Variants in DCC observed in about 807,000 individuals in gnomAD.
The protein encoded by DCC is DCC netrin 1 receptor, also known as netrin receptor DCC.
DCC carries 58 observed loss-of-function variants against 172.5 expected under a neutral mutation model. The observed-to-expected ratio is 0.34, with a 90% CI of 0.27 to 0.42. The LOEUF (loss-of-function observed/expected upper bound fraction) is 0.42. Among genes scored for constraint, DCC ranks in the 10% least tolerant of loss-of-function variants. The probability of loss-of-function intolerance (pLI) is 1.00; values close to 1 mark genes in which losing one functional copy is unlikely to be tolerated. For missense variants in DCC, 1,740 were observed against 1,791.0 expected, an observed-to-expected ratio of 0.97 and a Z score of 0.51; for synonymous variants, 709 against 644.5, an observed-to-expected ratio of 1.10 and a Z score of -1.52.
At chr18:52,523,607 T>C (rs1020306118) in intron 1 of DCC, among the ~76,000 whole-genome samples, 1 of 152,206 alleles carries the variant, frequency 6.6e-6, no homozygotes, top group Non-Finnish European at 1.5e-5. Context: ...GCATTAACTC[T>C]ACATTGTGAA....
At chr18:52,778,508 C>T (rs1360059162) in intron 2 of DCC, among the ~76,000 whole-genome samples, 3 of 152,086 alleles carry the variant, frequency 2.0e-5, no homozygotes, top group Non-Finnish European at 4.4e-5. Context: ...CATTCTAAAT[C>T]CAAACAATTT....
chr18:53,176,410 A>C (rs1311618256), intron 8 of DCC, among the ~76,000 whole-genome samples: 9 of 146,610 alleles, frequency 6.1e-5, no homozygotes, highest in Non-Finnish European at 1.3e-4. Flanking sequence ...AATGGGAGAA[A>C]ATTTTCACAA....
intron 14 of DCC, among the ~76,000 whole-genome samples, chr18:53,335,498 G>A (rs150500878): frequency 1.3e-5 from 2 of 152,102 alleles, no homozygotes; most frequent in African/African-American, 4.8e-5. Context: ...GTGGAAACCT[G>A]TGTAACATGT....
At chr18:53,309,836 T>A (rs773242671) in intron 13 of DCC, among the ~76,000 whole-genome samples, 1 of 151,628 alleles carries the variant, frequency 6.6e-6, no homozygotes, top group Non-Finnish European at 1.5e-5. Flanking sequence ...TCATGAGTTA[T>A]AATAAAGCAT....
chr18:53,459,270 G>C lies in DCC; in HGVS notation c.3431G>C (p.Ser1144Thr), dbSNP rs537282209. Residue 1144 changes from serine (S) to threonine (T), a missense_variant, in exon 24 of 29, where the codon AGC (serine) becomes ACC (threonine). Physicochemically the swap from Ser to Thr is moderately conservative, Grantham distance 58. Coordinates refer to ENST00000442544, the MANE Select transcript of DCC (RefSeq NM_005215.4). ...CACAGTGCTGGCAAAAGGAAGGGCA[G>C]CCAGAAGGACCTCCGACCCCCTGAT... Reference protein sequence around the residue: ...ATHSAGKRKGSQKDLRPPDLW... With the variant: ...ATHSAGKRKGTQKDLRPPDLW... 1.9e-6 allele frequency: 3 copies of C among 1,614,146 alleles called. No homozygotes were observed. In the African/African-American group the frequency reaches 4.0e-5, roughly 22 times the overall value.
At chr18:53,401,485 T>A (rs1257578800) in intron 18 of DCC, among the ~76,000 whole-genome samples, 1 of 152,206 alleles carries the variant, frequency 6.6e-6, no homozygotes, top group East Asian at 1.9e-4. Flanking sequence ...TCTCCTCTAT[T>A]TGGCTCATAT....
chr18:52,800,609 G>C (rs2037967292), intron 2 of DCC, among the ~76,000 whole-genome samples: 1 of 152,138 alleles, frequency 6.6e-6, no homozygotes, highest in South Asian at 2.1e-4. Context: ...AATAATCTTT[G>C]TGTGATAGCA....
intron 17 of DCC, 102 bp downstream of exon 17, chr18:53,391,989 T>G: frequency 1.4e-6 from 1 of 722,578 alleles, no homozygotes. Flanking sequence ...TTTGCTGCTG[T>G]GTATCTATGT....
At chr18:52,728,455 C>A (rs947935976) in intron 1 of DCC, among the ~76,000 whole-genome samples, 2 of 152,092 alleles carry the variant, frequency 1.3e-5, no homozygotes, top group African/African-American at 2.4e-5. Flanking sequence ...TTTCTTCTCC[C>A]AAGATTGTTA....
chr18:52,727,531 C>T (rs1474122280), intron 1 of DCC, among the ~76,000 whole-genome samples: 2 of 152,268 alleles, frequency 1.3e-5, no homozygotes, highest in East Asian at 3.9e-4. Flanking sequence ...GTAATATCAC[C>T]TTATCCTGCA....
intron 5 of DCC, among the ~76,000 whole-genome samples, chr18:53,049,361 A>G (rs2042302893): frequency 6.6e-6 from 1 of 152,040 alleles, no homozygotes; most frequent in African/African-American, 2.4e-5. Flanking sequence ...TGATTTTTGT[A>G]TATAGCTTCA....
intron 24 of DCC, among the ~76,000 whole-genome samples, chr18:53,462,172 C>G (rs539709870): frequency 6.6e-6 from 1 of 152,116 alleles, no homozygotes; most frequent in African/African-American, 2.4e-5. Flanking sequence ...AGAAGTATGA[C>G]TTATTTATGG....
chr18:53,239,196 TAATAAAAATA>T (rs1238011662), intron 12 of DCC, among the ~76,000 whole-genome samples: 2 of 121,240 alleles, frequency 1.6e-5, no homozygotes, highest in African/African-American at 6.4e-5. Context: ...AATATAATAA[TAATAAAAATA>T]AATAAATAAA....
intron 12 of DCC, among the ~76,000 whole-genome samples, chr18:53,250,593 A>G (rs1373405844): frequency 2.6e-4 from 39 of 150,812 alleles, no homozygotes; most frequent in Non-Finnish European, 2.1e-4. Context: ...TGGAAGATAC[A>G]TCCTTCCTAG....
At chr18:53,240,432 G>A (rs1365725548) in intron 12 of DCC, among the ~76,000 whole-genome samples, 4 of 152,060 alleles carry the variant, frequency 2.6e-5, no homozygotes, top group African/African-American at 9.7e-5. Flanking sequence ...AAAAGCAGAG[G>A]AATAAAAGCT....
At chr18:52,514,464 C>G (rs1414935150) in intron 1 of DCC, among the ~76,000 whole-genome samples, 1 of 152,054 alleles carries the variant, frequency 6.6e-6, no homozygotes, top group African/African-American at 2.4e-5. Flanking sequence ...CTCAAACAAC[C>G]AAAAAATGTC....
intron 1 of DCC, among the ~76,000 whole-genome samples, chr18:52,525,116 GA>G (rs1275654588): frequency 6.6e-6 from 1 of 151,542 alleles, no homozygotes; most frequent in African/African-American, 2.4e-5. Flanking sequence ...TCGTATTTAG[GA>G]GGCAATTAAT....
At chr18:52,462,734 ATG>A (rs1988670280) in intron 1 of DCC, among the ~76,000 whole-genome samples, 2 of 152,092 alleles carry the variant, frequency 1.3e-5, no homozygotes, top group Non-Finnish European at 2.9e-5. Context: ...CTACACTAAA[ATG>A]TAAGCTCCAT....
chr18:53,366,689 A>G (rs1252917299), intron 15 of DCC, among the ~76,000 whole-genome samples: 2 of 152,158 alleles, frequency 1.3e-5, no homozygotes, highest in Non-Finnish European at 1.5e-5. Flanking sequence ...AGACTCGCCT[A>G]TCTGAGTTTT....
Sources: allele counts gnomAD v4.1 joint callset (sites outside exome capture counted in the v4.1 genomes callset), GRCh38; gene constraint gnomAD v4.1.1; transcripts MANE v1.5; gene names NCBI Gene and HGNC (gene_info 2026-07-23, HGNC 2026-07-21).